Variants in NFAT5 observed in about 807,000 individuals in gnomAD.
The protein encoded by NFAT5 is nuclear factor of activated T-cells 5.
In NFAT5, 31 loss-of-function variants were observed where a neutral mutation model predicts 166.5. The ratio of observed to expected loss-of-function variants is 0.19; its 90% CI spans 0.14 to 0.25. The LOEUF is 0.25. Ranked by LOEUF, NFAT5 falls within the 10% of genes least tolerant of loss-of-function variation. NFAT5 has a pLI of 1.00. For synonymous variants in NFAT5, 612 were observed against 639.7 expected (o/e 0.96, Z 0.65); for missense variants, 1,449 against 1,821.8 (o/e 0.80, Z 3.72).
chr16:69,632,586 G>T (rs182628766), intron 3 of NFAT5: 1 of 152,154 alleles, frequency 6.6e-6, no homozygotes. Context: ...TTATCCCATT[G>T]AATTTATTAT....
In NFAT5 at chr16:69,692,335, A is replaced by T; in HGVS notation, c.2510A>T (p.Asn837Ile). Residue 837 changes from asparagine (N) to isoleucine (I), a missense_variant, in exon 13 of 15, where the codon AAT (asparagine) becomes ATT (isoleucine). Coordinates refer to ENST00000349945, the MANE Select transcript of NFAT5 (RefSeq NM_138713.4). ...SSVLFSAPDGNENVQEQLSAD... is the reference protein window; with the variant it reads ...SSVLFSAPDGIENVQEQLSAD... ...GTTTTATTTTCTGCTCCAGATGGTAATGAGAATGTTCAAGAGCAGCTTAGT... is the reference window on the plus strand; with the variant it reads ...GTTTTATTTTCTGCTCCAGATGGTATTGAGAATGTTCAAGAGCAGCTTAGT... 6.2e-7 allele frequency: 1 copy of T among 1,614,212 alleles called. No homozygotes were observed.
chr16:69,595,174 A>G (rs1207041591), intron 2 of NFAT5, among the ~76,000 whole-genome samples: 1 of 152,194 alleles, frequency 6.6e-6, no homozygotes, highest in Non-Finnish European at 1.5e-5. Context: ...TAACCATCAC[A>G]ACTATTAATA....
chr16:69,637,753 A>G (rs1443096920), intron 3 of NFAT5, among the ~76,000 whole-genome samples: 1 of 152,230 alleles, frequency 6.6e-6, no homozygotes, highest in Non-Finnish European at 1.5e-5. Flanking sequence ...GTGGGGATAC[A>G]TAGCTAAACC....
intron 3 of NFAT5, among the ~76,000 whole-genome samples, chr16:69,639,560 AT>A (rs1247698517): frequency 1.3e-5 from 2 of 152,046 alleles, no homozygotes; most frequent in Non-Finnish European, 2.9e-5. Context: ...AGTGCTCATT[AT>A]TTTTTTTAAA....
At chr16:69,672,220 A>G (rs904425367) in intron 9 of NFAT5, among the ~76,000 whole-genome samples, 32 of 152,236 alleles carry the variant, frequency 2.1e-4, no homozygotes, top group African/African-American at 7.2e-4. Context: ...TGGAAAAGAG[A>G]TAATGGGACT....
intron 11 of NFAT5, among the ~76,000 whole-genome samples, chr16:69,689,727 T>A (rs186826613): frequency 4.7e-4 from 71 of 152,266 alleles, no homozygotes; most frequent in Non-Finnish European, 5.9e-5. Context: ...GTATTTTTAG[T>A]AGAGACAGAG....
At chr16:69,616,065 T>C (rs757702136) in intron 2 of NFAT5, among the ~76,000 whole-genome samples, 1 of 152,042 alleles carries the variant, frequency 6.6e-6, no homozygotes, top group Non-Finnish European at 1.5e-5. Context: ...TCAACCCCGA[T>C]AGATGTCTTC....
chr16:69,659,952 G>C (rs2036052079), intron 7 of NFAT5, 53 bp downstream of exon 7: 2 of 1,419,898 alleles, frequency 1.4e-6, no homozygotes, highest in African/African-American at 1.4e-5. Flanking sequence ...TTCATTTTCT[G>C]TTAATCTTTT....
chr16:69,681,651 C>T (rs897588918), intron 10 of NFAT5, among the ~76,000 whole-genome samples: 23 of 152,264 alleles, frequency 1.5e-4, no homozygotes, highest in Admixed American at 1.4e-3. Context: ...GGCACGGTGG[C>T]TCACGCCTGT....
intron 4 of NFAT5, among the ~76,000 whole-genome samples, chr16:69,652,453 G>GAAAAAAAA (rs74216983): frequency 3.3e-5 from 2 of 60,634 alleles, no homozygotes; most frequent in African/African-American, 6.5e-5. Flanking sequence ...CTCCATCTCA[G>GAAAAAAAA]AAAAAAAAAA....
chr16:69,609,551 A>T (rs2033602413), intron 2 of NFAT5, among the ~76,000 whole-genome samples: 1 of 152,248 alleles, frequency 6.6e-6, no homozygotes, highest in East Asian at 1.9e-4. Context: ...AAGAGGCAGA[A>T]GTAATGAATT....
intron 10 of NFAT5, among the ~76,000 whole-genome samples, chr16:69,684,056 G>A (rs1489710595): frequency 1.3e-5 from 2 of 151,442 alleles, no homozygotes; most frequent in Non-Finnish European, 2.9e-5. Context: ...TCAAGACTGC[G>A]CCATTGCACT....
intron 2 of NFAT5, among the ~76,000 whole-genome samples, chr16:69,606,373 A>G (rs1331591508): frequency 6.6e-6 from 1 of 152,228 alleles, no homozygotes; most frequent in African/African-American, 2.4e-5. Flanking sequence ...AGGCAGCTCC[A>G]GTTTTCCTTG....
intron 2 of NFAT5, among the ~76,000 whole-genome samples, chr16:69,583,380 A>T (rs554106329): frequency 8.6e-4 from 100 of 115,928 alleles, no homozygotes; most frequent in African/African-American, 2.7e-3. Flanking sequence ...CCAGCTAATT[A>T]AAAAAAAAAA....
chr16:69,620,639 C>T (rs149333412), intron 2 of NFAT5, among the ~76,000 whole-genome samples: 2 of 152,240 alleles, frequency 1.3e-5, no homozygotes, highest in African/African-American at 4.8e-5. Flanking sequence ...TCACCCTAGT[C>T]TTGGCCGACT....
At chr16:69,618,316 T>C (rs2034050669) in intron 2 of NFAT5, among the ~76,000 whole-genome samples, 1 of 152,226 alleles carries the variant, frequency 6.6e-6, no homozygotes, top group Non-Finnish European at 1.5e-5. Flanking sequence ...GTGCTATGAA[T>C]AAGTAAATAT....
In NFAT5 at chr16:69,675,815, A is replaced by G. The variant is rs368551006; in HGVS notation, c.1558-1388A>G. Among the ~76,000 whole-genome samples, 26 of 151,926 alleles carry G rather than the reference A, an allele frequency of 1.7e-4. No individual in the cohort carries two copies. In the South Asian group the frequency reaches 5.4e-3, roughly 32 times the overall value. On this transcript the variant is annotated intron_variant, in intron 9 of 14. Transcript: ENST00000349945. ...CCACCAGGGCTGGCTAATTTTTTGT[A>G]TTTTTAGTAGAAACAGGGTTTCACC...
At chr16:69,675,780 C>T (rs1248336536) in intron 9 of NFAT5, among the ~76,000 whole-genome samples, 3 of 152,136 alleles carry the variant, frequency 2.0e-5, no homozygotes, top group Admixed American at 6.6e-5. Flanking sequence ...GCTGGGATTA[C>T]AGGCATGTGC....
chr16:69,566,123 C>CG lies in NFAT5; in HGVS notation c.-178dup. On this transcript the variant is annotated 5_prime_UTR_variant, in exon 1 of 15. Coordinates refer to ENST00000349945, the MANE Select transcript of NFAT5 (RefSeq NM_138713.4). The surrounding 1 kb of genome is among the most constrained non-coding windows in gnomAD (Gnocchi z 5.7). ...TCCCCGTGGAGTTCCCCCTCCACCT[C>CG]GCCATCGTTTCCTCGGTCCTCGGCC... 2 of 575,944 alleles carry CG rather than the reference C, an allele frequency of 3.5e-6. No individual in the cohort carries two copies. The highest frequency in any genetic ancestry group is 6.0e-6 in the Non-Finnish European group (2 of 332,088). 35.7% of individuals were successfully genotyped at this position (575,944 alleles called of 1,614,324 possible). A position where few individuals can be genotyped will look rare whatever the true frequency, so the allele number is the denominator to read the frequency against.
Sources: allele counts gnomAD v4.1 joint callset (sites outside exome capture counted in the v4.1 genomes callset), GRCh38; gene constraint gnomAD v4.1.1; non-coding constraint Gnocchi (gnomAD v3.1); transcripts MANE v1.5; gene names NCBI Gene and HGNC (gene_info 2026-07-23, HGNC 2026-07-21).